Variants in AGBL1 observed in about 807,000 individuals in gnomAD.
AGBL1 encodes the protein cytosolic carboxypeptidase 4.
In AGBL1, 130 loss-of-function variants were observed where a neutral mutation model predicts 118.9. That is an observed-to-expected ratio of 1.09 (90% CI 0.95 to 1.26). AGBL1 has a LOEUF of 1.26. Among genes scored for constraint, AGBL1 ranks in the 50% most tolerant of loss-of-function variants. AGBL1 has a pLI of 0.00. For missense variants in AGBL1, 1,584 were observed against 1,298.1 expected, an observed-to-expected ratio of 1.22 and a Z score of -3.38; for synonymous variants, 555 against 478.9, an observed-to-expected ratio of 1.16 and a Z score of -2.08.
chr15:86,321,249 T>G (rs1482423574), intron 17 of AGBL1, among the ~76,000 whole-genome samples: 1 of 152,226 alleles, frequency 6.6e-6, no homozygotes, highest in African/African-American at 2.4e-5. Flanking sequence ...TGAGAACTTT[T>G]TAACCTGTTA....
chr15:86,723,897 A>T (rs2086775965), intron 22 of AGBL1, among the ~76,000 whole-genome samples: 1 of 152,012 alleles, frequency 6.6e-6, no homozygotes, highest in Non-Finnish European at 1.5e-5. Context: ...GATACTTGAA[A>T]AGCTTGAAAA....
At chr15:86,796,143 G>A (rs1210816094) in intron 22 of AGBL1, among the ~76,000 whole-genome samples, 1 of 152,018 alleles carries the variant, frequency 6.6e-6, no homozygotes, top group Non-Finnish European at 1.5e-5. Context: ...CTTTTCTCAA[G>A]GTCACATAAA....
At chr15:86,640,658 C>G (rs1329323190) in intron 21 of AGBL1, among the ~76,000 whole-genome samples, 1 of 152,104 alleles carries the variant, frequency 6.6e-6, no homozygotes, top group Non-Finnish European at 1.5e-5. Context: ...GATTCTGTCT[C>G]TTTCCTAATA....
chr15:86,988,162 A>C, intron 24 of AGBL1: 15 of 1,546,298 alleles, frequency 9.7e-6, no homozygotes, highest in Non-Finnish European at 1.3e-5. Context: ...GCATGTGACT[A>C]CATTGGGACT....
At chr15:86,710,871 C>G (rs2086543915) in intron 22 of AGBL1, among the ~76,000 whole-genome samples, 1 of 152,148 alleles carries the variant, frequency 6.6e-6, no homozygotes, top group Admixed American at 6.5e-5. Context: ...GACTTTGTGA[C>G]AAGTCACAGT....
Position 86,613,099 on chromosome 15 carries a change from CAGGACCACCTG to C in AGBL1, c.2994+58566_2994+58576del, listed in dbSNP as rs2142394239. On this transcript the variant is annotated intron_variant, in intron 21 of 22. Coordinates refer to ENST00000614907, the MANE Select transcript of AGBL1 (RefSeq NM_001386094.1). This position sits in a 1 kb window ranked among gnomAD's most constrained non-coding sequence, Gnocchi z 4.2. ...CACAATCACTTTGGGCACATGTTCT[CAGGACCACCTG>C]AGGCTGTGTTACAGGCCATGGTTCT... 6.6e-6 allele frequency among the ~76,000 whole-genome samples: 1 copy of C among 152,318 alleles called. No individual in the cohort carries two copies. The highest frequency in any genetic ancestry group is 1.9e-4 in the East Asian group (1 of 5,172).
chr15:86,830,969 C>A (rs2079096761), intron 22 of AGBL1, among the ~76,000 whole-genome samples: 1 of 152,160 alleles, frequency 6.6e-6, no homozygotes, highest in African/African-American at 2.4e-5. Context: ...AATGGACTCA[C>A]AGTTCCACAT....
At chr15:86,704,399 TC>T (rs2086412353) in intron 22 of AGBL1, among the ~76,000 whole-genome samples, 3 of 151,880 alleles carry the variant, frequency 2.0e-5, no homozygotes, top group African/African-American at 7.3e-5. Context: ...CAGACAAAGG[TC>T]TAATATCCAG....
chr15:86,278,597 A>C (rs970724880), intron 15 of AGBL1, among the ~76,000 whole-genome samples: 3 of 152,222 alleles, frequency 2.0e-5, no homozygotes, highest in Admixed American at 6.5e-5. Flanking sequence ...TCAAGAACAC[A>C]CAAGAATAAT....
Position 86,910,240 on chromosome 15 carries a change from A to G in AGBL1, c.*2946A>G, listed in dbSNP as rs970018260. 2.0e-5 allele frequency: 3 copies of G among 152,238 alleles called. No individual in the cohort carries two copies. The highest frequency in any genetic ancestry group is 2.0e-4 in the Admixed American group (3 of 15,286). 9.4% of individuals were successfully genotyped at this position (152,238 alleles called of 1,614,324 possible). A position where few individuals can be genotyped will look rare whatever the true frequency, so the allele number is the denominator to read the frequency against. ...AGTATAAAGGGAGAAAAGACATGCG[A>G]AGGAGTGGAAAGATTTTGTGCAAAG... On this transcript the variant is annotated 3_prime_UTR_variant, in exon 23 of 23. Coordinates refer to ENST00000614907, the MANE Select transcript of AGBL1 (RefSeq NM_001386094.1).
At chr15:86,759,664 A>G (rs2077996086) in intron 22 of AGBL1, among the ~76,000 whole-genome samples, 1 of 152,128 alleles carries the variant, frequency 6.6e-6, no homozygotes, top group South Asian at 2.1e-4. Flanking sequence ...TGACATCTAG[A>G]CATTCATTGA....
chr15:86,240,129 C>T (rs773439525), intron 6 of AGBL1, among the ~76,000 whole-genome samples: 19 of 152,210 alleles, frequency 1.2e-4, no homozygotes, highest in Admixed American at 2.6e-4. Flanking sequence ...TGTTTAACTT[C>T]TCTTAGCCTC....
chr15:86,080,100 C>T, intron 1 of AGBL1, 77 bp downstream of exon 1: 2 of 1,129,528 alleles, frequency 1.8e-6, no homozygotes. Flanking sequence ...GAGCTATGCA[C>T]ACAGTCCCCT....
rs151164586 is a variant in AGBL1, at chr15:86,549,227, G to A, written c.2817+3094G>A. On this transcript the variant is annotated intron_variant, in intron 20 of 22. Coordinates refer to ENST00000614907, the MANE Select transcript of AGBL1 (RefSeq NM_001386094.1). ...ATATGTCTCTAGAGGAGACCCAAGA[G>A]GGCCCAGTGAGAAAGAAAGTCCAAA... is the stretch of plus-strand genomic sequence containing the variant. Among the ~76,000 whole-genome samples, 506 of 152,112 alleles carry A rather than the reference G, an allele frequency of 3.3e-3. 6 individuals carry two copies. Among genetic ancestry groups the A allele is most frequent in the African/African-American group, 9.6e-3 (399 of 41,498 alleles).
intron 1 of AGBL1, among the ~76,000 whole-genome samples, chr15:86,091,955 A>G (rs1454891151): frequency 2.2e-4 from 33 of 152,246 alleles, no homozygotes; most frequent in Non-Finnish European, 4.4e-5. Context: ...GCCTTTTCTG[A>G]CAATCTAAAC....
intron 6 of AGBL1, among the ~76,000 whole-genome samples, chr15:86,239,459 C>A (rs187344352): frequency 4.5e-4 from 68 of 152,282 alleles, no homozygotes; most frequent in African/African-American, 1.4e-3. Context: ...TTCTCCTTTG[C>A]ACCAGCCACT....
At chr15:86,680,960 C>A (rs907342791) in intron 22 of AGBL1, among the ~76,000 whole-genome samples, 6 of 152,058 alleles carry the variant, frequency 3.9e-5, no homozygotes, top group East Asian at 1.9e-4. Context: ...ATATTTCTTT[C>A]TTTCCTCACT....
intron 1 of AGBL1, 147 bp from the exon 2 acceptor site, chr15:86,141,857 C>A: frequency 1.3e-6 from 1 of 748,130 alleles, no homozygotes; most frequent in Non-Finnish European, 2.1e-6. Context: ...GGGTCTCTTA[C>A]CAAGTGAATC....
chr15:86,178,281 C>G (rs560993504), intron 5 of AGBL1, among the ~76,000 whole-genome samples: 5 of 152,262 alleles, frequency 3.3e-5, no homozygotes, highest in Admixed American at 2.6e-4. Flanking sequence ...CCACTGCACT[C>G]CAGCCCGATG....
Sources: allele counts gnomAD v4.1 joint callset (sites outside exome capture counted in the v4.1 genomes callset), GRCh38; gene constraint gnomAD v4.1.1; non-coding constraint Gnocchi (gnomAD v3.1); transcripts MANE v1.5; gene names NCBI Gene and HGNC (gene_info 2026-07-23, HGNC 2026-07-21).